ZNF721: variants seen among roughly 807,000 people sequenced by gnomAD.
The protein encoded by ZNF721 is zinc finger protein 721.
A neutral mutation model predicts 2.4 loss-of-function variants in ZNF721; 2 were observed. That is an observed-to-expected ratio of 0.82 (90% CI 0.34 to 2.58). The LOEUF is 2.58. Among genes scored for constraint, ZNF721 ranks in the 30% most tolerant of loss-of-function variants. The probability of loss-of-function intolerance (pLI) is 0.11; values close to 1 mark genes in which losing one functional copy is unlikely to be tolerated. For synonymous variants in ZNF721, 398 were observed against 381.8 expected, an observed-to-expected ratio of 1.04 and a Z score of -0.50; for missense variants, 1,187 against 1,085.5, an observed-to-expected ratio of 1.09 and a Z score of -1.31.
chr4:473,413 T>TGCCACTCGGGAGCA (rs1371380791), intron 1 of ZNF721, among the ~76,000 whole-genome samples: 3 of 152,142 alleles, frequency 2.0e-5, no homozygotes, highest in Admixed American at 2.0e-4. Context: ...ATCATCCTGA[T>TGCCACTCGGGAGCA]GCCACTCGGG....
rs1205798730 is a variant in ZNF721 at position 499,088 on chromosome 4, C to A, written c.-126G>T. The A allele has an allele frequency of 1.9e-6, 1 of 539,300 alleles. No homozygotes were observed. The highest frequency in any genetic ancestry group is 3.2e-6 in the Non-Finnish European group (1 of 310,096). 33.4% of individuals were successfully genotyped at this position (539,300 alleles called of 1,614,324 possible). A position where few individuals can be genotyped will look rare whatever the true frequency, so the allele number is the denominator to read the frequency against. ...TGGGCGGCGACCGTCGCGGACTCGC[C>A]GGGAAGACGGCCCCACGGAGCCGGG... On this transcript the variant is annotated 5_prime_UTR_variant, in exon 1 of 3. Transcript: ENST00000511833.
chr4:473,589 G>C (rs1177795790), intron 1 of ZNF721, among the ~76,000 whole-genome samples: 2 of 152,140 alleles, frequency 1.3e-5, no homozygotes, highest in Non-Finnish European at 2.9e-5. Flanking sequence ...CCATTAATGA[G>C]TCCCCGTTTG....
intron 2 of ZNF721, among the ~76,000 whole-genome samples, chr4:456,488 G>A (rs1397954881): frequency 1.3e-5 from 2 of 152,152 alleles, no homozygotes; most frequent in Non-Finnish European, 1.5e-5. Flanking sequence ...AAATTGCTTC[G>A]AGTAAAACCT....
intron 1 of ZNF721, among the ~76,000 whole-genome samples, chr4:491,780 G>A (rs1716028052): frequency 6.6e-6 from 1 of 152,120 alleles, no homozygotes; most frequent in Non-Finnish European, 1.5e-5. Flanking sequence ...TTAGACCCAG[G>A]ACTGAAAGCC....
chr4:496,811 C>G (rs956898879), intron 1 of ZNF721, among the ~76,000 whole-genome samples: 70 of 144,544 alleles, frequency 4.8e-4, no homozygotes, highest in African/African-American at 1.7e-3. Context: ...CTCCCGGGTT[C>G]ACGCCATTCT....
chr4:459,826 G>A (rs1402803933), intron 2 of ZNF721, among the ~76,000 whole-genome samples: 12 of 147,464 alleles, frequency 8.1e-5, no homozygotes, highest in Non-Finnish European at 1.2e-4. Context: ...GCAAGACTCC[G>A]TCTCAAAAAA....
chr4:488,702 C>CA (rs1475812551), intron 1 of ZNF721, among the ~76,000 whole-genome samples: 1 of 152,030 alleles, frequency 6.6e-6, no homozygotes, highest in Non-Finnish European at 1.5e-5. Context: ...TGGTGGTACA[C>CA]ACCCATAATC....
intron 2 of ZNF721, among the ~76,000 whole-genome samples, chr4:456,085 TATTG>T (rs1171504655): frequency 5.3e-5 from 8 of 151,894 alleles, no homozygotes; most frequent in African/African-American, 1.7e-4. Context: ...TTTATTTATT[TATTG>T]AGATGGAGTC....
rs548290022 is a variant in ZNF721, at chr4:495,331, CA to C, written c.-94+3724del. On this transcript the variant is annotated intron_variant, in intron 1 of 2. Transcript: ENST00000511833. ...CTGAACAAAAAAAAAAACTTTTGCTCAAAAAAAAAAAAAAAAAGACAAGGTC... is the reference window on the plus strand; with the variant it reads ...CTGAACAAAAAAAAAAACTTTTGCTCAAAAAAAAAAAAAAAAGACAAGGTC... 7.4e-3 allele frequency among the ~76,000 whole-genome samples: 674 copies of C among 90,472 alleles called. 6 individuals are homozygous for C. Among genetic ancestry groups the C allele is most frequent in the African/African-American group, 0.022 (542 of 24,216 alleles). 59.4% of individuals were successfully genotyped at this position (90,472 alleles called of 152,430 possible). A position where few individuals can be genotyped will look rare whatever the true frequency, so the allele number is the denominator to read the frequency against.
chr4:444,029 A>T lies in ZNF721; in HGVS notation c.438T>A (p.Phe146Leu), dbSNP rs782478719. 1 of 1,613,658 alleles carries T rather than the reference A, an allele frequency of 6.2e-7. No homozygotes were observed. The highest frequency in any genetic ancestry group is 1.7e-5 in the Admixed American group (1 of 60,000). The change falls in exon 3 of 3, where the codon TTT becomes TTA. Residue 146 changes from phenylalanine (F) to leucine (L), a missense_variant. Phe to Leu is a conservative substitution (Grantham distance 22, BLOSUM62 0). Transcript: ENST00000511833. ...GTTGATTCAGGTCTGTGTACCATCC[A>T]AAGTCTTTGCCACGTTCTTCACAAG... The part of the protein sequence containing the change: ...PYTCEERGKD[F>L]GWYTDLNQHK...
intron 2 of ZNF721, among the ~76,000 whole-genome samples, chr4:454,922 C>G (rs782046816): frequency 3.9e-5 from 6 of 152,150 alleles, no homozygotes; most frequent in Non-Finnish European, 7.4e-5. Context: ...GGTGCAAAAG[C>G]CCCTCGTGAC....
intron 2 of ZNF721, among the ~76,000 whole-genome samples, chr4:444,889 C>CA (rs1201237747): frequency 1.3e-5 from 2 of 151,044 alleles, no homozygotes; most frequent in African/African-American, 4.9e-5. Context: ...TTTGGAAGAA[C>CA]AACTTGGGTA....
At chr4:452,058 T>C (rs981568085) in intron 2 of ZNF721, among the ~76,000 whole-genome samples, 9 of 152,256 alleles carry the variant, frequency 5.9e-5, no homozygotes, top group Non-Finnish European at 8.8e-5. Context: ...TAGGGACTGG[T>C]TGCTACACGA....
intron 1 of ZNF721, among the ~76,000 whole-genome samples, chr4:484,039 G>A (rs1192695601): frequency 6.6e-6 from 1 of 152,090 alleles, no homozygotes; most frequent in Non-Finnish European, 1.5e-5. Flanking sequence ...GGGAAGTCAG[G>A]GGCCCCAAAT....
chr4:496,515 A>G (rs1359065817), intron 1 of ZNF721, among the ~76,000 whole-genome samples: 1 of 152,068 alleles, frequency 6.6e-6, no homozygotes, highest in Non-Finnish European at 1.5e-5. Flanking sequence ...AATGCCCCGA[A>G]AAGCTGAGGG....
intron 2 of ZNF721, among the ~76,000 whole-genome samples, chr4:447,610 T>C (rs930265671): frequency 9.2e-5 from 14 of 152,122 alleles, no homozygotes; most frequent in Non-Finnish European, 1.5e-4. Flanking sequence ...AATGAAGGGA[T>C]TGATTGCAAA....
intron 1 of ZNF721, among the ~76,000 whole-genome samples, chr4:473,576 G>C (rs1715530899): frequency 6.6e-6 from 1 of 152,158 alleles, no homozygotes; most frequent in African/African-American, 2.4e-5. Flanking sequence ...AGCCGGCGCT[G>C]CCCCATTAAT....
rs1714256594 is a variant in ZNF721 at position 441,970 on chromosome 4, C to T, written c.2497G>A (p.Gly833Arg). ...TLTKHRRIHT[G>R]EKPYTCEECG... is the part of the protein sequence containing the mutation. ...TCTTCACATGTGTAGGGTTTCTCTC[C>T]AGTATGAATTCTCCTATGTTTAGTA... The change falls in exon 3 of 3, where the codon GGA (glycine) becomes AGA (arginine). Residue 833 changes from glycine (G) to arginine (R), a missense_variant. Gly to Arg is a moderately radical substitution (Grantham distance 125). Coordinates refer to ENST00000511833, the MANE Select transcript of ZNF721 (RefSeq NM_133474.4). 3 of 1,613,702 alleles carry T rather than the reference C, an allele frequency of 1.9e-6. No individual in the cohort carries two copies. Among genetic ancestry groups the T allele is most frequent in the Non-Finnish European group, 1.7e-6 (2 of 1,179,950 alleles).
intron 2 of ZNF721, among the ~76,000 whole-genome samples, chr4:450,822 A>G (rs2108693421): frequency 6.6e-6 from 1 of 151,104 alleles, no homozygotes; most frequent in South Asian, 2.1e-4. Context: ...CTGTAGTCCC[A>G]ACTACTAGGG....
Sources: allele counts gnomAD v4.1 joint callset (sites outside exome capture counted in the v4.1 genomes callset), GRCh38; gene constraint gnomAD v4.1.1; transcripts MANE v1.5; gene names NCBI Gene and HGNC (gene_info 2026-07-23, HGNC 2026-07-21).